Variants in TCEA3 observed in about 807,000 individuals in gnomAD.
TCEA3 encodes transcription elongation factor A3.
TCEA3 carries 36 observed loss-of-function variants against 44.0 expected under a neutral mutation model. The observed-to-expected ratio is 0.82, with a 90% CI of 0.63 to 1.08. The LOEUF (loss-of-function observed/expected upper bound fraction) is 1.08, where lower values mean the gene tolerates loss of function less well. TCEA3 is among the 50% of genes least tolerant of loss of function. The pLI is 0.00. For missense variants in TCEA3, 392 were observed against 441.2 expected (o/e 0.89, Z 1.00); for synonymous variants, 162 against 159.7 (o/e 1.01, Z -0.11).
chr1:23,384,083 C>T, intron 10 of TCEA3: 1 of 1,309,978 alleles, frequency 7.6e-7, no homozygotes, highest in Non-Finnish European at 9.7e-7. Flanking sequence ...GCTCAAATGA[C>T]AGACTTGCTC....
intron 4 of TCEA3, among the ~76,000 whole-genome samples, chr1:23,414,100 T>A (rs929656474): frequency 6.6e-6 from 1 of 151,794 alleles, no homozygotes; most frequent in Non-Finnish European, 1.5e-5. Flanking sequence ...TTTATTTTAT[T>A]TTTTGAGACA....
chr1:23,395,059 G>A (rs1639175750), intron 7 of TCEA3, among the ~76,000 whole-genome samples: 1 of 152,230 alleles, frequency 6.6e-6, no homozygotes, highest in Non-Finnish European at 1.5e-5. Context: ...CGGAGAATGT[G>A]GAAAAATGAA....
At chr1:23,420,944 G>T (rs187646476) in intron 1 of TCEA3, among the ~76,000 whole-genome samples, 1 of 152,110 alleles carries the variant, frequency 6.6e-6, no homozygotes, top group Non-Finnish European at 1.5e-5. Flanking sequence ...ACGGTGTCCT[G>T]TATGTTCCTA....
At chr1:23,384,506 C>T in intron 9 of TCEA3, 89 bp from the exon 10 acceptor site, 1 of 1,398,298 alleles carries the variant, frequency 7.2e-7, no homozygotes, top group Non-Finnish European at 9.8e-7. Context: ...GGTCCAAATC[C>T]CAGAGGTTGG....
intron 5 of TCEA3, among the ~76,000 whole-genome samples, chr1:23,408,115 C>T (rs546942059): frequency 6.6e-6 from 1 of 152,258 alleles, no homozygotes; most frequent in African/African-American, 2.4e-5. Context: ...GTGCCCACCA[C>T]CATGCCTGGC....
At chr1:23,384,226 C>T in intron 10 of TCEA3, 120 bp downstream of exon 10, 2 of 1,577,544 alleles carry the variant, frequency 1.3e-6, no homozygotes, top group East Asian at 4.5e-5. Context: ...CAGACCTACT[C>T]TGTGCAGGCT....
chr1:23,415,588 C>T (rs139177696), intron 4 of TCEA3, among the ~76,000 whole-genome samples: 3 of 152,322 alleles, frequency 2.0e-5, no homozygotes, highest in Non-Finnish European at 4.4e-5. Flanking sequence ...AGGGCATGAA[C>T]AGGAGGTAAT....
intron 5 of TCEA3, among the ~76,000 whole-genome samples, chr1:23,401,256 C>T (rs1449752412): frequency 2.0e-5 from 3 of 152,142 alleles, no homozygotes; most frequent in East Asian, 1.9e-4. Context: ...CCATGCATAC[C>T]GGTGAGGTGG....
At chr1:23,401,658 C>T (rs765347627) in intron 5 of TCEA3, among the ~76,000 whole-genome samples, 20 of 152,172 alleles carry the variant, frequency 1.3e-4, no homozygotes, top group Non-Finnish European at 1.9e-4. Context: ...CCTGTGTCCT[C>T]TTCCCCCACT....
chr1:23,395,946 A>AG (rs1260356496), intron 7 of TCEA3, among the ~76,000 whole-genome samples: 2 of 152,084 alleles, frequency 1.3e-5, no homozygotes, highest in African/African-American at 4.8e-5. Context: ...ACCTGCTTGG[A>AG]GGGATGACTG....
intron 5 of TCEA3, among the ~76,000 whole-genome samples, chr1:23,399,434 C>A (rs1430765663): frequency 2.6e-5 from 4 of 151,806 alleles, no homozygotes; most frequent in Non-Finnish European, 4.4e-5. Flanking sequence ...GGGCTCCACC[C>A]TTATGACCTC....
At chr1:23,411,547 G>C (rs553605737) in intron 4 of TCEA3, 1 of 224,000 alleles carries the variant, frequency 4.5e-6, no homozygotes, top group Non-Finnish European at 1.0e-5. Flanking sequence ...AACAATCATA[G>C]TGAGGCAGAA....
intron 8 of TCEA3, among the ~76,000 whole-genome samples, chr1:23,388,729 G>C (rs1392635331): frequency 4.6e-5 from 7 of 151,672 alleles, no homozygotes; most frequent in Non-Finnish European, 1.0e-4. Context: ...ACCTAGGCTG[G>C]AGTGCAGTGG....
intron 3 of TCEA3, 39 bp downstream of exon 3, chr1:23,417,865 G>T (rs1422876810): frequency 6.3e-7 from 1 of 1,594,938 alleles, no homozygotes; most frequent in Non-Finnish European, 8.6e-7. Context: ...CAAGTGCTAG[G>T]AGAAAAACAG....
Position 23,408,744 on chromosome 1 carries a change from G to T in TCEA3, c.381-18C>A, listed in dbSNP as rs188471676. The T allele has an allele frequency of 5.6e-6, 9 of 1,594,244 alleles. No homozygotes were observed. The South Asian group carries it at 1.0e-4, about 18-fold the overall frequency. ...AGTCTCTCCTGAAAGAAGAAAATTG[G>T]CAAGGAGACTGCTTTGTAGACTAGC... On this transcript the variant is annotated intron_variant, in intron 4 of 10. Transcript: ENST00000450454.
Position 23,383,531 on chromosome 1 carries a change from T to C in TCEA3, c.1038+815A>G, listed in dbSNP as rs538428692. Reference sequence around the variant, plus strand: ...GAGAAAGGCATTATTATTACTCTTTTGCTCAATGAGGTGAGTAACATGCTC... The same window carrying C: ...GAGAAAGGCATTATTATTACTCTTTCGCTCAATGAGGTGAGTAACATGCTC... On this transcript the variant is annotated intron_variant, in intron 10 of 10. Coordinates refer to ENST00000450454, the MANE Select transcript of TCEA3 (RefSeq NM_003196.3). 1.4e-3 allele frequency: 1,305 copies of C among 943,400 alleles called. 1 individual carries two copies. The highest frequency in any genetic ancestry group is 1.6e-3 in the Non-Finnish European group (1,243 of 791,698). The allele number at this position is 943,400 out of a possible 1,614,324, so 58.4% of individuals were successfully genotyped here. A position where few individuals can be genotyped will look rare whatever the true frequency, so the allele number is the denominator to read the frequency against.
chr1:23,395,171 G>T (rs533872826), intron 7 of TCEA3, among the ~76,000 whole-genome samples: 1 of 152,368 alleles, frequency 6.6e-6, no homozygotes, highest in South Asian at 2.1e-4. Flanking sequence ...GAAAAGCAAA[G>T]AATATGCCAC....
At chr1:23,397,697 T>C (rs779957077) in intron 6 of TCEA3, 95 bp downstream of exon 6, 1 of 1,606,942 alleles carries the variant, frequency 6.2e-7, no homozygotes, top group Non-Finnish European at 8.5e-7. Context: ...GTACCATCCC[T>C]TGGGGTGCTG....
Position 23,417,268 on chromosome 1 carries a change from G to A in TCEA3, c.361C>T (p.Arg121Ter), listed in dbSNP as rs199889411. The change falls in exon 4 of 11, where the codon CGA becomes TGA. Residue 121 changes from arginine to a stop codon, truncating the protein, a stop_gained. Coordinates refer to ENST00000450454, the MANE Select transcript of TCEA3 (RefSeq NM_003196.3). LOFTEE classifies it high-confidence loss of function. ...GAATACCTGGTTTTGGGGTCTTCTC[G>A]TTTTTTCCTTGGTGGAGAAAGGCCT... ...EAGLSPPRKK[R>*]EDPKTRRDSV... 100 of 1,613,700 alleles carry A rather than the reference G, an allele frequency of 6.2e-5. No homozygotes were observed. The highest frequency in any genetic ancestry group is 2.1e-4 in the African/African-American group (16 of 74,888).
Sources: allele counts gnomAD v4.1 joint callset (sites outside exome capture counted in the v4.1 genomes callset), GRCh38; gene constraint gnomAD v4.1.1; transcripts MANE v1.5; gene names NCBI Gene and HGNC (gene_info 2026-07-23, HGNC 2026-07-21).